Variants in DGKB observed in about 807,000 individuals in gnomAD.
DGKB encodes 90 kDa diacylglycerol kinase.
DGKB carries 67 observed loss-of-function variants against 114.3 expected under a neutral mutation model. The ratio of observed to expected loss-of-function variants is 0.59; its 90% CI spans 0.48 to 0.72. The LOEUF is 0.72. Ranked by LOEUF, DGKB falls within the 30% of genes least tolerant of loss-of-function variation. The probability of loss-of-function intolerance (pLI) is 0.00; values close to 1 mark genes in which losing one functional copy is unlikely to be tolerated. For synonymous variants in DGKB, 398 were observed against 323.1 expected, an observed-to-expected ratio of 1.23 and a Z score of -2.49; for missense variants, 907 against 975.2, an observed-to-expected ratio of 0.93 and a Z score of 0.93.
chr7:14,584,690 C>A (rs1800467445), intron 17 of DGKB, among the ~76,000 whole-genome samples: 1 of 151,408 alleles, frequency 6.6e-6, no homozygotes, highest in South Asian at 2.1e-4. Flanking sequence ...TGGAGTTTCA[C>A]TTTTGTCGCC....
chr7:14,265,315 A>ATTTTTTTTTTTTTTT (rs1178230744), intron 23 of DGKB, among the ~76,000 whole-genome samples: 2 of 40,508 alleles, frequency 4.9e-5, no homozygotes, highest in African/African-American at 3.7e-4. Flanking sequence ...TTTCTCTTGC[A>ATTTTTTTTTTTTTTT]TTCTTTTTTT....
chr7:14,784,822 G>A (rs1195432180), intron 2 of DGKB, among the ~76,000 whole-genome samples: 1 of 150,454 alleles, frequency 6.6e-6, no homozygotes, highest in Non-Finnish European at 1.5e-5. Context: ...TGTGTCAACT[G>A]CTGTTTTTTT....
intron 23 of DGKB, among the ~76,000 whole-genome samples, chr7:14,183,699 G>T (rs1050202256): frequency 2.6e-5 from 4 of 152,128 alleles, no homozygotes; most frequent in Non-Finnish European, 4.4e-5. Context: ...TTGAAAATCT[G>T]GTTTTCTAAA....
At chr7:14,466,515 T>C (rs142197402) in intron 21 of DGKB, among the ~76,000 whole-genome samples, 515 of 152,104 alleles carry the variant, frequency 3.4e-3, no homozygotes, top group Middle Eastern at 0.01. Flanking sequence ...CACTGCAAAA[T>C]AGGGGCAAGA....
intron 13 of DGKB, among the ~76,000 whole-genome samples, chr7:14,649,227 G>T: frequency 6.7e-6 from 1 of 150,266 alleles, no homozygotes; most frequent in Non-Finnish European, 1.5e-5. Flanking sequence ...AGGAAAAAAT[G>T]TTAAGGGCAG....
chr7:14,463,915 A>T (rs1015244826), intron 21 of DGKB, among the ~76,000 whole-genome samples: 1 of 152,180 alleles, frequency 6.6e-6, no homozygotes, highest in East Asian at 1.9e-4. Context: ...CCACAAGGAC[A>T]CACAACTTAC....
intron 23 of DGKB, among the ~76,000 whole-genome samples, chr7:14,251,734 T>C (rs1795273573): frequency 6.6e-6 from 1 of 152,166 alleles, no homozygotes; most frequent in East Asian, 1.9e-4. Context: ...TATTTTTCCT[T>C]TATTACTGAA....
At chr7:14,520,210 ATTT>A (rs386409562) in intron 20 of DGKB, among the ~76,000 whole-genome samples, 6 of 119,134 alleles carry the variant, frequency 5.0e-5, no homozygotes, top group South Asian at 2.7e-4. Flanking sequence ...CTTTTTTCCT[ATTT>A]TTTTTTTTTT....
chr7:14,319,854 A>T (rs1248626093), intron 23 of DGKB, among the ~76,000 whole-genome samples: 1 of 152,218 alleles, frequency 6.6e-6, no homozygotes, highest in Non-Finnish European at 1.5e-5. Flanking sequence ...CAATGTTGGT[A>T]CCTTGTCCCC....
intron 14 of DGKB, 82 bp from the exon 15 acceptor site, chr7:14,621,576 A>G (rs1807666873): frequency 1.3e-6 from 1 of 799,488 alleles, no homozygotes; most frequent in Non-Finnish European, 2.0e-6. Flanking sequence ...CTAATAGAAG[A>G]GTTTCATGGT....
At chr7:14,911,678 A>G (rs1784012274) in intron 1 of DGKB, among the ~76,000 whole-genome samples, 1 of 152,182 alleles carries the variant, frequency 6.6e-6, no homozygotes, top group Non-Finnish European at 1.5e-5. Context: ...AGAAAGATGT[A>G]TGTGTCCACC....
At chr7:14,497,971 T>C (rs1375610157) in intron 20 of DGKB, among the ~76,000 whole-genome samples, 3 of 151,938 alleles carry the variant, frequency 2.0e-5, no homozygotes, top group Non-Finnish European at 4.4e-5. Flanking sequence ...TTTAACTTTA[T>C]TGACACAAAG....
intron 21 of DGKB, among the ~76,000 whole-genome samples, chr7:14,471,266 A>G: frequency 7.0e-6 from 1 of 142,902 alleles, no homozygotes; most frequent in Admixed American, 7.3e-5. Flanking sequence ...TGTATGGAAT[A>G]TATGTGTATA....
chr7:14,922,032 T>G (rs1271926812), intron 1 of DGKB, among the ~76,000 whole-genome samples: 2 of 152,270 alleles, frequency 1.3e-5, no homozygotes, highest in East Asian at 1.9e-4. Context: ...AGTGCATTTT[T>G]CAGAAGAGAT....
chr7:14,439,487 C>G (rs196749), intron 21 of DGKB, among the ~76,000 whole-genome samples: 140,658 of 152,122 alleles, frequency 0.92, 65,639 homozygotes, highest in Non-Finnish European at 1. Context: ...CCCATCCTCT[C>G]TCCTCATAGA....
intron 13 of DGKB, among the ~76,000 whole-genome samples, chr7:14,637,697 T>A (rs991488517): frequency 6.6e-6 from 1 of 151,822 alleles, no homozygotes; most frequent in African/African-American, 2.4e-5. Flanking sequence ...ACTAAACTCA[T>A]CTTGGTGGAG....
At position 14,203,249 on chromosome 7, in the gene DGKB, A is replaced by G. The variant is rs6967451; in HGVS notation, c.2123-25098T>C. ...TATACCTAAGTTAAAGGACACACAC[A>G]TAAAACAGTCATAAGACATTTCCTT... On this transcript the variant is annotated intron_variant, in intron 23 of 25. Coordinates refer to ENST00000402815, the MANE Select transcript of DGKB (RefSeq NM_001350709.2). 8.6e-3 allele frequency among the ~76,000 whole-genome samples: 1,308 copies of G among 151,790 alleles called. 17 individuals carry two copies. The highest frequency in any genetic ancestry group is 0.03 in the African/African-American group (1,263 of 41,422).
chr7:14,162,662 GAAT>G (rs1784076242), intron 25 of DGKB, among the ~76,000 whole-genome samples: 1 of 151,966 alleles, frequency 6.6e-6, no homozygotes, highest in Non-Finnish European at 1.5e-5. Flanking sequence ...TCAAAATAAA[GAAT>G]AAAAGAAAAA....
intron 1 of DGKB, among the ~76,000 whole-genome samples, chr7:14,973,515 TTTTG>T (rs1229265958): frequency 6.7e-5 from 9 of 135,044 alleles, no homozygotes; most frequent in South Asian, 5.1e-4. Flanking sequence ...TTTGTTTGTT[TTTTG>T]TTTTTTTGTT....
Sources: allele counts gnomAD v4.1 joint callset (sites outside exome capture counted in the v4.1 genomes callset), GRCh38; gene constraint gnomAD v4.1.1; transcripts MANE v1.5; gene names NCBI Gene and HGNC (gene_info 2026-07-23, HGNC 2026-07-21).